The following SLC9A8 variants were observed in gnomAD, a reference collection of about 807,000 sequenced individuals.
SLC9A8 encodes the protein sodium/hydrogen exchanger 8.
SLC9A8 carries 48 observed loss-of-function variants against 66.6 expected under a neutral mutation model. The observed-to-expected ratio is 0.72, with a 90% CI of 0.57 to 0.92. SLC9A8 has a LOEUF of 0.92. SLC9A8 is among the 40% of genes least tolerant of loss of function. The pLI is 0.00. For synonymous variants in SLC9A8, 274 were observed against 282.6 expected, an observed-to-expected ratio of 0.97 and a Z score of 0.31; for missense variants, 599 against 747.3, an observed-to-expected ratio of 0.80 and a Z score of 2.31.
chr20:49,880,646 GC>G (rs2089591959), intron 12 of SLC9A8, among the ~76,000 whole-genome samples: 2 of 152,196 alleles, frequency 1.3e-5, no homozygotes, highest in Non-Finnish European at 2.9e-5. Flanking sequence ...CATTACTAAA[GC>G]CCTTCCTGAT....
intron 11 of SLC9A8, 89 bp from the exon 12 acceptor site, chr20:49,877,892 G>T: frequency 2.4e-6 from 2 of 845,356 alleles, no homozygotes; most frequent in South Asian, 3.9e-5. Flanking sequence ...ATTGGATTCT[G>T]ACTGTGAATG....
intron 2 of SLC9A8, among the ~76,000 whole-genome samples, chr20:49,817,209 C>T (rs1158950308): frequency 3.3e-5 from 5 of 151,694 alleles, no homozygotes; most frequent in East Asian, 2.0e-4. Flanking sequence ...CTCAGCTACT[C>T]GGGAGGCTGA....
Position 49,888,317 on chromosome 20 carries a change from A to G in SLC9A8, c.*381A>G, listed in dbSNP as rs536399960. The G allele has an allele frequency of 1.1e-3, 216 of 189,470 alleles. 1 individual carries two copies. Among genetic ancestry groups the G allele is most frequent in the African/African-American group, 4.7e-3 (197 of 41,918 alleles). The allele number at this position is 189,470 out of a possible 1,614,324, so 11.7% of individuals were successfully genotyped here. ...ACCATCTACAGTTGTGCCATTCCCC[A>G]GCCACTGCCTTCATGCTGCCCCCGC... On this transcript the variant is annotated 3_prime_UTR_variant, in exon 16 of 16. Coordinates refer to ENST00000361573, the MANE Select transcript of SLC9A8 (RefSeq NM_015266.3).
At chr20:49,870,797 G>A (rs999946831) in intron 10 of SLC9A8, among the ~76,000 whole-genome samples, 2 of 152,210 alleles carry the variant, frequency 1.3e-5, no homozygotes, top group Admixed American at 6.5e-5. Flanking sequence ...GACCTCCCCA[G>A]GTTTAGGTGA....
Position 49,886,706 on chromosome 20 carries a change from A to G in SLC9A8, c.1492-46A>G. On this transcript the variant is annotated intron_variant, in intron 14 of 15. Transcript: ENST00000361573. This position sits in a 1 kb window ranked among gnomAD's most constrained non-coding sequence, Gnocchi z 4.8. ...GGGGGCTTCCAGGAGGTGCCCCCCG[A>G]TGGTGCCAGCTGGTGGCCGTCGGGC... 1 of 1,593,340 alleles carries G rather than the reference A, an allele frequency of 6.3e-7. No individual in the cohort carries two copies. Among genetic ancestry groups the G allele is most frequent in the Non-Finnish European group, 8.6e-7 (1 of 1,167,954 alleles).
intron 3 of SLC9A8, among the ~76,000 whole-genome samples, chr20:49,831,346 G>A (rs539077033): frequency 5.3e-5 from 8 of 151,598 alleles, no homozygotes; most frequent in Middle Eastern, 3.4e-3. Context: ...GGAGGTGGCT[G>A]TGTGTGCACG....
At chr20:49,875,177 A>G (rs2089376020) in intron 11 of SLC9A8, among the ~76,000 whole-genome samples, 1 of 151,940 alleles carries the variant, frequency 6.6e-6, no homozygotes, top group Admixed American at 6.6e-5. Flanking sequence ...TCCATAGTCA[A>G]GCAAGGCATG....
chr20:49,879,335 A>G (rs1026165931), intron 12 of SLC9A8, among the ~76,000 whole-genome samples: 4 of 152,202 alleles, frequency 2.6e-5, no homozygotes, highest in Admixed American at 2.6e-4. Context: ...ACCAGATTTG[A>G]GACTTGGATC....
intron 8 of SLC9A8, among the ~76,000 whole-genome samples, chr20:49,857,115 C>T (rs958467762): frequency 5.3e-5 from 8 of 152,182 alleles, no homozygotes; most frequent in Admixed American, 1.3e-4. Flanking sequence ...ATGTTTGAGA[C>T]CAGTCTGGAC....
intron 1 of SLC9A8, among the ~76,000 whole-genome samples, chr20:49,813,629 C>G (rs1225569142): frequency 2.0e-5 from 3 of 152,216 alleles, no homozygotes; most frequent in Admixed American, 6.5e-5. Flanking sequence ...TTTCTCACGT[C>G]TGCAGTTCTA....
chr20:49,834,212 TATACAC>T (rs2087355027), intron 3 of SLC9A8, among the ~76,000 whole-genome samples: 2 of 119,472 alleles, frequency 1.7e-5, no homozygotes, highest in South Asian at 2.4e-4. Context: ...TATATATATA[TATACAC>T]ACACACACTA....
intron 3 of SLC9A8, among the ~76,000 whole-genome samples, 181 bp downstream of exon 3, chr20:49,823,322 A>T (rs929095809): frequency 1.7e-4 from 26 of 152,274 alleles, no homozygotes; most frequent in African/African-American, 6.3e-4. Flanking sequence ...CTGGGGCTCA[A>T]GAAGGGTAGT....
rs1259636258 is a variant in SLC9A8 at position 49,834,198 on chromosome 20, T to TAC, written c.290-5342_290-5341insCA. ...CTCTCTCTCTCTCTATATATATATA[T>TAC]ATATATATATATATATACACACACA... is the stretch of plus-strand genomic sequence containing the variant. On this transcript the variant is annotated intron_variant, in intron 3 of 15. Transcript: ENST00000361573. Among the ~76,000 whole-genome samples, 4 of 121,788 alleles carry TAC rather than the reference T, an allele frequency of 3.3e-5. No individual in the cohort carries two copies. The Admixed American group carries it at 3.3e-4, about 10-fold the overall frequency. 79.9% of individuals were successfully genotyped at this position (121,788 alleles called of 152,430 possible).
chr20:49,828,427 T>C (rs1412218760), intron 3 of SLC9A8, among the ~76,000 whole-genome samples: 1 of 151,398 alleles, frequency 6.6e-6, no homozygotes, highest in Non-Finnish European at 1.5e-5. Flanking sequence ...TTTCTTCATG[T>C]TGGTCAGGCT....
chr20:49,889,886 TTC>T lies in SLC9A8; in HGVS notation c.*1952_*1953del, dbSNP rs2090003400. 1 of 152,210 alleles carries T rather than the reference TTC, an allele frequency of 6.6e-6. No homozygotes were observed. Among genetic ancestry groups the T allele is most frequent in the South Asian group, 2.1e-4 (1 of 4,832 alleles). The allele number at this position is 152,210 out of a possible 1,614,324, so 9.4% of individuals were successfully genotyped here. ...TTTTGCAAACTCAGTTTGCCAGGAT[TTC>T]TTTCTTTCCTAATCTTAAATTCACA... On this transcript the variant is annotated 3_prime_UTR_variant, in exon 16 of 16. Transcript: ENST00000361573.
intron 3 of SLC9A8, among the ~76,000 whole-genome samples, chr20:49,828,280 C>T (rs1473968471): frequency 6.6e-6 from 1 of 151,692 alleles, no homozygotes; most frequent in Non-Finnish European, 1.5e-5. Context: ...CAGGGTTTCA[C>T]CATGTTAGCC....
intron 9 of SLC9A8, among the ~76,000 whole-genome samples, chr20:49,863,650 G>C (rs73125660): frequency 0.025 from 3,795 of 152,354 alleles, 57 homozygotes; most frequent in East Asian, 0.035. Flanking sequence ...GGCTTTCAAA[G>C]TGTGTTCCAT....
intron 3 of SLC9A8, among the ~76,000 whole-genome samples, chr20:49,824,726 C>T (rs1003833311): frequency 5.3e-5 from 8 of 152,178 alleles, no homozygotes; most frequent in African/African-American, 1.9e-4. Flanking sequence ...CCCCTTCTTC[C>T]TTGAAAATAG....
chr20:49,858,535 G>A (rs2088600098), intron 8 of SLC9A8, among the ~76,000 whole-genome samples: 1 of 151,694 alleles, frequency 6.6e-6, no homozygotes, highest in Non-Finnish European at 1.5e-5. Flanking sequence ...TCAGAGGTAG[G>A]ATCTTTTCTG....
Sources: allele counts gnomAD v4.1 joint callset (sites outside exome capture counted in the v4.1 genomes callset), GRCh38; gene constraint gnomAD v4.1.1; non-coding constraint Gnocchi (gnomAD v3.1); transcripts MANE v1.5; gene names NCBI Gene and HGNC (gene_info 2026-07-23, HGNC 2026-07-21).